Variants in ILDR2 observed in about 807,000 individuals in gnomAD.
ILDR2 encodes immunoglobulin-like domain-containing receptor 2.
ILDR2 carries 25 observed loss-of-function variants against 66.8 expected under a neutral mutation model. The ratio of observed to expected loss-of-function variants is 0.37; its 90% CI spans 0.27 to 0.52. The LOEUF (loss-of-function observed/expected upper bound fraction) is 0.52. Among genes scored for constraint, ILDR2 ranks in the 20% least tolerant of loss-of-function variants. ILDR2 has a pLI of 0.88. For missense variants in ILDR2, 827 were observed against 876.8 expected (o/e 0.94, Z 0.72); for synonymous variants, 367 against 357.2 (o/e 1.03, Z -0.31).
intron 3 of ILDR2, among the ~76,000 whole-genome samples, chr1:166,950,726 T>TACACACACACACACACACAC (rs57212569): frequency 2.0e-5 from 3 of 146,616 alleles, no homozygotes; most frequent in African/African-American, 7.6e-5. Flanking sequence ...TGATCTAAAA[T>TACACACACACACACACACAC]ACACACACAC....
intron 2 of ILDR2, among the ~76,000 whole-genome samples, chr1:166,897,482 G>A (rs1003314358): frequency 6.6e-6 from 1 of 152,176 alleles, no homozygotes; most frequent in Non-Finnish European, 1.5e-5. Context: ...CAGGATGGGG[G>A]CTGGCCATGC....
In ILDR2 at chr1:166,921,026, G is replaced by A; in HGVS notation, c.1565C>T (p.Pro522Leu). Residue 522 changes from proline to leucine, a missense_variant, in exon 9 of 10, where the codon CCC becomes CTC. This residue lies in a region of ILDR2 where 390 missense variants were observed against 353.6 expected (regional missense o/e 1.10). Transcript: ENST00000271417. The surrounding 1 kb of genome is among the most constrained non-coding windows in gnomAD (Gnocchi z 5.3). Reference sequence around the variant, plus strand: ...GCCCAGGTACGAGTGGTCGTATTTGGGTGCGGTGCCTGGCGTGCGGCTCAC... The same window carrying A: ...GCCCAGGTACGAGTGGTCGTATTTGAGTGCGGTGCCTGGCGTGCGGCTCAC... ...RLVSRTPGTA[P>L]KYDHSYLGSA... is the part of the protein sequence containing the mutation. 1 of 1,515,012 alleles carries A rather than the reference G, an allele frequency of 6.6e-7. No individual in the cohort carries two copies. The highest frequency in any genetic ancestry group is 8.7e-7 in the Non-Finnish European group (1 of 1,142,886). The allele number at this position is 1,515,012 out of a possible 1,614,324, so 93.8% of individuals were successfully genotyped here. A position where few individuals can be genotyped will look rare whatever the true frequency, so the allele number is the denominator to read the frequency against.
chr1:166,936,470 T>C lies in ILDR2; in HGVS notation c.703+121A>G. ...GCACCCAGCGGAGAAGAGTCTGGAA[T>C]GACCAATCTTGGGGGTGGCAGGACA... On this transcript the variant is annotated intron_variant, in intron 5 of 9. Transcript: ENST00000271417. The surrounding 1 kb of genome is among the most constrained non-coding windows in gnomAD (Gnocchi z 5.0). 1 of 1,477,298 alleles carries C rather than the reference T, an allele frequency of 6.8e-7. No individual in the cohort carries two copies. The highest frequency in any genetic ancestry group is 1.3e-5 in the South Asian group (1 of 76,672). The allele number at this position is 1,477,298 out of a possible 1,614,324, so 91.5% of individuals were successfully genotyped here. A position where few individuals can be genotyped will look rare whatever the true frequency, so the allele number is the denominator to read the frequency against.
intron 1 of ILDR2, among the ~76,000 whole-genome samples, chr1:166,972,653 C>T (rs1042376194): frequency 6.6e-6 from 1 of 151,934 alleles, no homozygotes; most frequent in African/African-American, 2.4e-5. Context: ...GAGGAAAAAA[C>T]TGAAGTGCTG....
rs914743050 is a variant in ILDR2, at chr1:166,915,883, G to T, written c.*3472C>A. The stretch of plus-strand genomic sequence containing the variant: ...GGGGGATGTGAGGCCTAGCATCTCC[G>T]TGAGGCCTGCCCTGTGTTGGTGAAT... On this transcript the variant is annotated 3_prime_UTR_variant, in exon 10 of 10. Coordinates refer to ENST00000271417, the MANE Select transcript of ILDR2 (RefSeq NM_199351.3). 6.6e-6 allele frequency: 1 copy of T among 152,186 alleles called. No homozygotes were observed. The highest frequency in any genetic ancestry group is 1.5e-5 in the Non-Finnish European group (1 of 68,052). The allele number at this position is 152,186 out of a possible 1,614,324, so 9.4% of individuals were successfully genotyped here.
At chr1:166,944,189 T>C (rs1033427903) in intron 3 of ILDR2, among the ~76,000 whole-genome samples, 3 of 152,214 alleles carry the variant, frequency 2.0e-5, no homozygotes, top group Non-Finnish European at 4.4e-5. Flanking sequence ...AAATTCCCCA[T>C]TTCAGTTGTT....
chr1:166,902,864 T>A (rs1659284409), intron 2 of ILDR2, among the ~76,000 whole-genome samples: 1 of 152,228 alleles, frequency 6.6e-6, no homozygotes, highest in Admixed American at 6.5e-5. Context: ...CACTGCTGTT[T>A]CATTAGTTAT....
intron 1 of ILDR2, among the ~76,000 whole-genome samples, chr1:166,960,268 C>T (rs909366114): frequency 6.6e-6 from 1 of 152,160 alleles, no homozygotes; most frequent in Non-Finnish European, 1.5e-5. Context: ...ACCCTGTGCT[C>T]AATAGCTACC....
In ILDR2 at chr1:166,918,135, T is replaced by C. The variant is rs1274758721; in HGVS notation, c.*1220A>G. 6.6e-6 allele frequency: 1 copy of C among 152,200 alleles called. No homozygotes were observed. Among genetic ancestry groups the C allele is most frequent in the African/African-American group, 2.4e-5 (1 of 41,454 alleles). The allele number at this position is 152,200 out of a possible 1,614,324, so 9.4% of individuals were successfully genotyped here. On this transcript the variant is annotated 3_prime_UTR_variant, in exon 10 of 10. Coordinates refer to ENST00000271417, the MANE Select transcript of ILDR2 (RefSeq NM_199351.3). ...AATCCAGAGATCTAGCTTTGGGATT[T>C]AGGCAAAATCTATCATTTAGGCAAG...
intron 1 of ILDR2, among the ~76,000 whole-genome samples, chr1:166,974,963 C>T (rs1012193510): frequency 1.3e-5 from 2 of 152,098 alleles, no homozygotes; most frequent in African/African-American, 4.8e-5. Context: ...GAGTCAAACA[C>T]CTGCATCTAG....
intron 1 of ILDR2, among the ~76,000 whole-genome samples, chr1:166,972,103 T>G (rs1206794712): frequency 1.3e-5 from 2 of 151,884 alleles, no homozygotes; most frequent in South Asian, 4.2e-4. Context: ...TCCCAGCTAC[T>G]TGGGAGGCTG....
chr1:166,903,788 C>T (rs1044764108), downstream of ILDR2, among the ~76,000 whole-genome samples: 2 of 152,154 alleles, frequency 1.3e-5, no homozygotes, highest in African/African-American at 4.8e-5. Flanking sequence ...TGAAATCATG[C>T]CTACCTCAAG....
At chr1:166,906,469 A>T (rs1304097105), downstream of ILDR2, among the ~76,000 whole-genome samples, 5 of 152,210 alleles carry the variant, frequency 3.3e-5, no homozygotes, top group African/African-American at 9.7e-5. Context: ...ATTCTGGAAT[A>T]AAGGAACAGA....
chr1:166,940,779 T>G (rs1661268293), intron 3 of ILDR2, among the ~76,000 whole-genome samples: 1 of 152,250 alleles, frequency 6.6e-6, no homozygotes, highest in Non-Finnish European at 1.5e-5. Context: ...GGTGATCTGT[T>G]TCATCCATAT....
At chr1:166,945,235 T>G (rs568888145) in intron 3 of ILDR2, among the ~76,000 whole-genome samples, 15 of 152,310 alleles carry the variant, frequency 9.8e-5, no homozygotes, top group African/African-American at 3.6e-4. Flanking sequence ...AAATGCCATC[T>G]TGCTATCTAA....
rs1659730817 is a variant in ILDR2 at position 166,918,593 on chromosome 1, A to G, written c.*762T>C. On this transcript the variant is annotated 3_prime_UTR_variant, in exon 10 of 10. Transcript: ENST00000271417. ...AAGTCCAGGAGAGGGGAGGAAGAGAAGAGCCCTTAATGTCTAAGACTCCGA... is the reference window on the plus strand; with the variant it reads ...AAGTCCAGGAGAGGGGAGGAAGAGAGGAGCCCTTAATGTCTAAGACTCCGA... The G allele has an allele frequency of 6.6e-6, 1 of 152,280 alleles. No individual in the cohort carries two copies. The highest frequency in any genetic ancestry group is 2.1e-4 in the South Asian group (1 of 4,828). 9.4% of individuals were successfully genotyped at this position (152,280 alleles called of 1,614,324 possible). A position where few individuals can be genotyped will look rare whatever the true frequency, so the allele number is the denominator to read the frequency against.
At chr1:166,898,226 A>G (rs150265833) in intron 2 of ILDR2, among the ~76,000 whole-genome samples, 87 of 152,306 alleles carry the variant, frequency 5.7e-4, no homozygotes, top group Admixed American at 9.2e-4. Context: ...GAAGCAGTGC[A>G]GGTGGAATTC....
At chr1:166,925,083 C>G (rs1660197631) in intron 7 of ILDR2, among the ~76,000 whole-genome samples, 1 of 152,072 alleles carries the variant, frequency 6.6e-6, no homozygotes, top group Non-Finnish European at 1.5e-5. Context: ...ACTAGAACTT[C>G]CCAGACTAAA....
rs1253916603 is a variant in ILDR2, at chr1:166,908,952, T to G, written c.*10403A>C. 1 of 152,232 alleles carries G rather than the reference T, an allele frequency of 6.6e-6. No individual in the cohort carries two copies. Among genetic ancestry groups the G allele is most frequent in the African/African-American group, 2.4e-5 (1 of 41,448 alleles). The allele number at this position is 152,232 out of a possible 1,614,324, so 9.4% of individuals were successfully genotyped here. On this transcript the variant is annotated 3_prime_UTR_variant, in exon 10 of 10. Coordinates refer to ENST00000271417, the MANE Select transcript of ILDR2 (RefSeq NM_199351.3). ...GAATCTTTTCGGATGCAGTAGCAGA[T>G]AGCTGTTGGTGTTGTGTATGTGTTT...
Sources: gnomAD v4.1 joint callset for allele counts (sites outside exome capture counted in the v4.1 genomes callset) on GRCh38, gnomAD v4.1.1 for gene constraint, gnomAD v4.1.1 regional missense constraint, Gnocchi (gnomAD v3.1) non-coding constraint, MANE v1.5 for transcripts, NCBI Gene and HGNC (gene_info 2026-07-23, HGNC 2026-07-21) for gene names.